Variants in PTPRD observed in about 807,000 individuals in gnomAD.
PTPRD encodes protein tyrosine phosphatase receptor type D, also known as receptor-type tyrosine-protein phosphatase delta.
Under a neutral mutation model 214.5 loss-of-function variants are expected in PTPRD, and 34 were observed. That is an observed-to-expected ratio of 0.16 (90% confidence interval 0.12 to 0.21). The LOEUF (loss-of-function observed/expected upper bound fraction) is 0.21, where lower values mean the gene tolerates loss of function less well. Among genes scored for constraint, PTPRD ranks in the 10% least tolerant of loss-of-function variants. The probability of loss-of-function intolerance (pLI) is 1.00; values close to 1 mark genes in which losing one functional copy is unlikely to be tolerated. For missense variants in PTPRD, 2,545 were observed against 2,398.7 expected, an observed-to-expected ratio of 1.06 and a Z score of -1.27; for synonymous variants, 1,128 against 845.7, an observed-to-expected ratio of 1.33 and a Z score of -5.79.
intron 8 of PTPRD, among the ~76,000 whole-genome samples, chr9:9,407,264 T>C (rs2073819437): frequency 6.6e-6 from 1 of 151,802 alleles, no homozygotes; most frequent in African/African-American, 2.4e-5. Flanking sequence ...TATATGATAA[T>C]TGTTTACTCA....
chr9:9,106,852 T>A (rs971328641), intron 10 of PTPRD, among the ~76,000 whole-genome samples: 8 of 152,134 alleles, frequency 5.3e-5, no homozygotes, highest in African/African-American at 1.9e-4. Flanking sequence ...CTTATTATCC[T>A]TGAATATACC....
At chr9:10,418,903 A>C (rs1162262974) in intron 2 of PTPRD, among the ~76,000 whole-genome samples, 1 of 151,880 alleles carries the variant, frequency 6.6e-6, no homozygotes, top group African/African-American at 2.4e-5. Flanking sequence ...TACAGTATCA[A>C]GGAAAGAGGG....
At chr9:8,697,696 T>G (rs1163628548) in intron 12 of PTPRD, among the ~76,000 whole-genome samples, 1 of 152,032 alleles carries the variant, frequency 6.6e-6, no homozygotes, top group Non-Finnish European at 1.5e-5. Context: ...GTGCTGGGAT[T>G]ACAGGCATGA....
At chr9:9,437,150 G>A (rs2085609244) in intron 8 of PTPRD, among the ~76,000 whole-genome samples, 1 of 152,200 alleles carries the variant, frequency 6.6e-6, no homozygotes, top group Non-Finnish European at 1.5e-5. Flanking sequence ...ATTGGCAGAG[G>A]GCTGAGAGGG....
At chr9:8,971,395 C>G (rs2099237495) in intron 11 of PTPRD, among the ~76,000 whole-genome samples, 1 of 151,772 alleles carries the variant, frequency 6.6e-6, no homozygotes, top group Non-Finnish European at 1.5e-5. Context: ...TGGTTAAATA[C>G]TGGCTTGAGC....
intron 5 of PTPRD, among the ~76,000 whole-genome samples, chr9:9,816,985 A>G (rs1194973268): frequency 1.3e-5 from 2 of 152,108 alleles, no homozygotes; most frequent in Non-Finnish European, 2.9e-5. Context: ...TTATTATTTT[A>G]TATACGTAAC....
At chr9:10,383,737 C>T (rs748287329) in intron 2 of PTPRD, among the ~76,000 whole-genome samples, 2 of 151,658 alleles carry the variant, frequency 1.3e-5, no homozygotes, top group African/African-American at 2.4e-5. Context: ...TTTGGGTCAT[C>T]GTCATCCTAT....
intron 9 of PTPRD, among the ~76,000 whole-genome samples, chr9:9,390,946 G>C (rs1479254220): frequency 1.3e-5 from 2 of 152,174 alleles, no homozygotes; most frequent in Non-Finnish European, 2.9e-5. Flanking sequence ...GGATTTCTAA[G>C]AAGATGGTGT....
intron 7 of PTPRD, among the ~76,000 whole-genome samples, chr9:9,592,848 C>A (rs1338505347): frequency 6.6e-6 from 1 of 152,004 alleles, no homozygotes; most frequent in Non-Finnish European, 1.5e-5. Flanking sequence ...AGTTCGAGAT[C>A]AGTCTGGCCG....
chr9:8,727,770 A>T (rs1378384298), intron 12 of PTPRD, among the ~76,000 whole-genome samples: 1 of 152,122 alleles, frequency 6.6e-6, no homozygotes, highest in Non-Finnish European at 1.5e-5. Context: ...CTCCCTCTTC[A>T]ACCTCCCAAG....
chr9:8,731,999 T>C (rs1156831112), intron 12 of PTPRD, among the ~76,000 whole-genome samples: 4 of 152,200 alleles, frequency 2.6e-5, no homozygotes, highest in Non-Finnish European at 4.4e-5. Flanking sequence ...ACATACAGCA[T>C]GATAAATATC....
intron 2 of PTPRD, among the ~76,000 whole-genome samples, chr9:10,481,954 G>C (rs1451325904): frequency 6.6e-6 from 1 of 151,902 alleles, no homozygotes; most frequent in African/African-American, 2.4e-5. Context: ...TTATATTTAA[G>C]ACTTAGACTT....
At chr9:9,387,282 A>G (rs2064180459) in intron 9 of PTPRD, among the ~76,000 whole-genome samples, 1 of 152,158 alleles carries the variant, frequency 6.6e-6, no homozygotes, top group Non-Finnish European at 1.5e-5. Context: ...TTGGTTTTTC[A>G]GATTTGTTGA....
At chr9:9,824,178 G>C (rs969283046) in intron 5 of PTPRD, among the ~76,000 whole-genome samples, 36 of 117,050 alleles carry the variant, frequency 3.1e-4, no homozygotes, top group African/African-American at 1.9e-3. Context: ...GTATTTGCAA[G>C]TTATCAAAAA....
chr9:9,263,847 G>T (rs566906918), intron 9 of PTPRD, among the ~76,000 whole-genome samples: 2 of 151,692 alleles, frequency 1.3e-5, no homozygotes, highest in East Asian at 3.9e-4. Context: ...CTACCTATTA[G>T]TTACTATGCT....
At chr9:8,881,815 G>C (rs1178315549) in intron 11 of PTPRD, among the ~76,000 whole-genome samples, 2 of 152,202 alleles carry the variant, frequency 1.3e-5, no homozygotes, top group East Asian at 3.9e-4. Context: ...TAGCAGTTTT[G>C]TCATTCCTCT....
intron 34 of PTPRD, among the ~76,000 whole-genome samples, chr9:8,438,049 A>C (rs2095419968): frequency 6.6e-6 from 1 of 152,196 alleles, no homozygotes; most frequent in East Asian, 1.9e-4. Context: ...CTGAAGCAGG[A>C]AAAGAATGAG....
chr9:9,178,303 C>T (rs1025302434), intron 10 of PTPRD, among the ~76,000 whole-genome samples: 10 of 151,798 alleles, frequency 6.6e-5, no homozygotes, highest in African/African-American at 2.4e-4. Context: ...TTCCTCCTCT[C>T]CTCCCCTTCT....
chr9:9,120,458 T>C (rs189989972), intron 10 of PTPRD, among the ~76,000 whole-genome samples: 1 of 152,328 alleles, frequency 6.6e-6, no homozygotes, highest in Non-Finnish European at 1.5e-5. Flanking sequence ...GACTCCTGTA[T>C]ACATACGTGA....
Sources: allele counts gnomAD v4.1 joint callset (sites outside exome capture counted in the v4.1 genomes callset), GRCh38; gene constraint gnomAD v4.1.1; transcripts MANE v1.5; gene names NCBI Gene and HGNC (gene_info 2026-07-23, HGNC 2026-07-21).